Variants in PDE5A observed in about 807,000 individuals in gnomAD.
The protein encoded by PDE5A is cGMP-specific 3',5'-cyclic phosphodiesterase.
In PDE5A, 67 loss-of-function variants were observed where a neutral mutation model predicts 110.2. That is an observed-to-expected ratio of 0.61 (90% CI 0.50 to 0.75). The LOEUF (loss-of-function observed/expected upper bound fraction) is 0.75. PDE5A is among the 30% of genes least tolerant of loss of function. The pLI is 0.00. For missense variants in PDE5A, 862 were observed against 1,045.1 expected (o/e 0.82, Z 2.42); for synonymous variants, 328 against 351.2 (o/e 0.93, Z 0.74).
intron 10 of PDE5A, among the ~76,000 whole-genome samples, chr4:119,540,046 T>G (rs1726871700): frequency 6.6e-6 from 1 of 152,144 alleles, no homozygotes; most frequent in Non-Finnish European, 1.5e-5. Context: ...CAAACTGCAA[T>G]GGGATTTTTT....
chr4:119,626,973 C>G (rs1358129294), intron 1 of PDE5A, among the ~76,000 whole-genome samples: 2 of 151,986 alleles, frequency 1.3e-5, no homozygotes, highest in East Asian at 3.9e-4. Flanking sequence ...ATTTAAGACC[C>G]TTATTAATAC....
At chr4:119,522,494 C>T (rs892618047) in intron 12 of PDE5A, among the ~76,000 whole-genome samples, 2 of 151,810 alleles carry the variant, frequency 1.3e-5, no homozygotes, top group Admixed American at 1.3e-4. Context: ...AGAAAAAAAA[C>T]AGGAAAACCC....
At chr4:119,614,200 A>G (rs1376056497) in intron 1 of PDE5A, among the ~76,000 whole-genome samples, 1 of 152,058 alleles carries the variant, frequency 6.6e-6, no homozygotes, top group African/African-American at 2.4e-5. Flanking sequence ...CAACATATCT[A>G]TGTTTCTCTG....
At chr4:119,527,877 A>T (rs778201568) in intron 11 of PDE5A, among the ~76,000 whole-genome samples, 1 of 151,986 alleles carries the variant, frequency 6.6e-6, no homozygotes, top group Non-Finnish European at 1.5e-5. Context: ...TCCAATTCAA[A>T]ACCACTGGAA....
chr4:119,504,068 C>T (rs1018522830), intron 18 of PDE5A, among the ~76,000 whole-genome samples: 72 of 152,000 alleles, frequency 4.7e-4, no homozygotes, highest in Non-Finnish European at 8.8e-4. Context: ...ACATTGTACC[C>T]AGTAGGTTGT....
chr4:119,498,516 C>T lies in PDE5A; in HGVS notation c.*85G>A. The T allele has an allele frequency of 1.4e-6, 2 of 1,463,026 alleles. No individual in the cohort carries two copies. Among genetic ancestry groups the T allele is most frequent in the Non-Finnish European group, 1.9e-6 (2 of 1,058,752 alleles). 90.6% of individuals were successfully genotyped at this position (1,463,026 alleles called of 1,614,324 possible). ...TGGCAAAGTATATACCAAATACAGA[C>T]ACTATACAGACAGTGTGTAAGAAAC... On this transcript the variant is annotated 3_prime_UTR_variant, in exon 21 of 21. Transcript: ENST00000354960.
Position 119,507,665 on chromosome 4 carries a change from T to TA in PDE5A, c.2127dup (p.Lys710Ter). The TA allele has an allele frequency of 6.3e-7, 1 of 1,589,266 alleles. No individual in the cohort carries two copies. Among genetic ancestry groups the TA allele is most frequent in the Non-Finnish European group, 8.5e-7 (1 of 1,171,884 alleles). ...TGCTTGATTATTTTCAACGTGGTCT[T>TA]ATATTCTTCAATGGAGAGGCCACTG... On this transcript the variant is annotated frameshift_variant, in exon 16 of 21. Coordinates refer to ENST00000354960, the MANE Select transcript of PDE5A (RefSeq NM_001083.4). LOFTEE classifies it high-confidence loss of function.
At chr4:119,588,935 A>G (rs1728867929) in intron 3 of PDE5A, among the ~76,000 whole-genome samples, 3 of 152,266 alleles carry the variant, frequency 2.0e-5, no homozygotes, top group African/African-American at 7.2e-5. Flanking sequence ...TTGCAAGTAT[A>G]TCACTAAGTA....
At chr4:119,599,050 T>C (rs960979905) in intron 2 of PDE5A, among the ~76,000 whole-genome samples, 3 of 152,074 alleles carry the variant, frequency 2.0e-5, no homozygotes, top group Non-Finnish European at 2.9e-5. Context: ...AGCGCAGGCA[T>C]TGAGGCAGGA....
At chr4:119,595,538 A>G (rs9998919) in intron 3 of PDE5A, among the ~76,000 whole-genome samples, 117,846 of 152,092 alleles carry the variant, frequency 0.77, 45,823 homozygotes, top group East Asian at 0.89. Context: ...TAAGGGCCCA[A>G]ACAGAACAAA....
In PDE5A at chr4:119,555,232, A is replaced by G. The variant is rs138308081; in HGVS notation, c.1200-1486T>C. Among the ~76,000 whole-genome samples, 74 of 152,354 alleles carry G rather than the reference A, an allele frequency of 4.9e-4. 1 individual carries two copies. The Middle Eastern group carries it at 0.01, about 21-fold the overall frequency. ...ACTGACCACTTGTCTAGTATTATGT[A>G]TACATGAAAAAGAATGAAAAGGAAA... On this transcript the variant is annotated intron_variant, in intron 7 of 20. Transcript: ENST00000354960.
At chr4:119,522,393 C>T (rs1201744657) in intron 12 of PDE5A, among the ~76,000 whole-genome samples, 5 of 152,016 alleles carry the variant, frequency 3.3e-5, no homozygotes, top group African/African-American at 1.2e-4. Context: ...ACTAATCTTA[C>T]TGAGAGACTT....
At chr4:119,603,119 C>G (rs1180827641) in intron 2 of PDE5A, among the ~76,000 whole-genome samples, 1 of 152,120 alleles carries the variant, frequency 6.6e-6, no homozygotes, top group Non-Finnish European at 1.5e-5. Context: ...AGGAAAATAC[C>G]AAGCACATTT....
chr4:119,601,942 A>T (rs948159871), intron 2 of PDE5A, among the ~76,000 whole-genome samples: 4 of 152,208 alleles, frequency 2.6e-5, no homozygotes, highest in African/African-American at 4.8e-5. Flanking sequence ...TTAAAAAGAT[A>T]AAGAAATGCT....
intron 3 of PDE5A, among the ~76,000 whole-genome samples, chr4:119,575,225 G>A (rs983285128): frequency 2.0e-5 from 3 of 152,372 alleles, no homozygotes; most frequent in African/African-American, 4.8e-5. Flanking sequence ...GTACCTGAAA[G>A]TGACAGGGAG....
At position 119,525,602 on chromosome 4, in the gene PDE5A, T is replaced by C; in HGVS notation, c.1726A>G (p.Ile576Val). ...LSDLETALCT[I>V]RMFTDLNLVQ... is the part of the protein sequence containing the mutation. ...AGGTTGAGGTCAGTAAACATCCGAATTGTACACAGTGCTGTTTCCAGATCA... is the reference window on the plus strand; with the variant it reads ...AGGTTGAGGTCAGTAAACATCCGAACTGTACACAGTGCTGTTTCCAGATCA... The change falls in exon 12 of 21, where the codon ATT (isoleucine) becomes GTT (valine). Residue 576 changes from isoleucine to valine, a missense_variant. Physicochemically the swap from Ile to Val is conservative, Grantham distance 29. Coordinates refer to ENST00000354960, the MANE Select transcript of PDE5A (RefSeq NM_001083.4). This position sits in a 1 kb window ranked among gnomAD's most constrained non-coding sequence, Gnocchi z 4.3. 6.2e-7 allele frequency: 1 copy of C among 1,613,400 alleles called. No homozygotes were observed. Among genetic ancestry groups the C allele is most frequent in the Non-Finnish European group, 8.5e-7 (1 of 1,179,528 alleles).
At chr4:119,544,023 T>C (rs1388127182) in intron 9 of PDE5A, among the ~76,000 whole-genome samples, 8 of 152,204 alleles carry the variant, frequency 5.3e-5, no homozygotes, top group Admixed American at 2.0e-4. Context: ...AAAAATGTTT[T>C]CCGAATTAAT....
At chr4:119,577,535 T>C (rs906912757) in intron 3 of PDE5A, among the ~76,000 whole-genome samples, 3 of 152,046 alleles carry the variant, frequency 2.0e-5, no homozygotes, top group African/African-American at 7.2e-5. Flanking sequence ...GTTCAACATA[T>C]GCAAATCAAT....
chr4:119,504,424 T>A (rs534619267), intron 18 of PDE5A, 112 bp downstream of exon 18: 1 of 749,582 alleles, frequency 1.3e-6, no homozygotes, highest in African/African-American at 1.8e-5. Context: ...CATATAAGTG[T>A]CTTTTTTATA....
Sources: gnomAD v4.1 joint callset for allele counts (sites outside exome capture counted in the v4.1 genomes callset) on GRCh38, gnomAD v4.1.1 for gene constraint, Gnocchi (gnomAD v3.1) non-coding constraint, MANE v1.5 for transcripts, NCBI Gene and HGNC (gene_info 2026-07-23, HGNC 2026-07-21) for gene names.